The following MCC variants were observed in gnomAD, a reference collection of about 807,000 sequenced individuals.
The protein encoded by MCC is colorectal mutant cancer protein.
A neutral mutation model predicts 116.2 loss-of-function variants in MCC; 90 were observed. The observed-to-expected ratio is 0.77, with a 90% CI of 0.65 to 0.92. The LOEUF (loss-of-function observed/expected upper bound fraction) is 0.92, where lower values mean the gene tolerates loss of function less well. Among genes scored for constraint, MCC ranks in the 40% least tolerant of loss-of-function variants. The pLI is 0.00. For missense variants in MCC, 1,516 were observed against 1,312.2 expected, an observed-to-expected ratio of 1.16 and a Z score of -2.40; for synonymous variants, 578 against 510.5, an observed-to-expected ratio of 1.13 and a Z score of -1.78.
chr5:113,461,062 C>T (rs558678814), intron 1 of MCC, among the ~76,000 whole-genome samples: 1 of 152,056 alleles, frequency 6.6e-6, no homozygotes, highest in South Asian at 2.1e-4. Context: ...AGTTTGAGAC[C>T]AGCCTGGGCA....
At chr5:113,366,530 T>G (rs1449213471) in intron 2 of MCC, among the ~76,000 whole-genome samples, 3 of 152,204 alleles carry the variant, frequency 2.0e-5, no homozygotes, top group Admixed American at 1.3e-4. Context: ...CCAGAATATA[T>G]AGCCCTCTAG....
intron 9 of MCC, 71 bp downstream of exon 9, chr5:113,085,093 C>G: frequency 6.2e-7 from 1 of 1,606,198 alleles, no homozygotes. Context: ...TGTACAGTGG[C>G]TAGGATGAGC....
At chr5:113,371,786 T>C (rs1768842278) in intron 2 of MCC, among the ~76,000 whole-genome samples, 1 of 152,222 alleles carries the variant, frequency 6.6e-6, no homozygotes, top group African/African-American at 2.4e-5. Flanking sequence ...TGCATTAGTC[T>C]TACAAGAGAT....
At chr5:113,070,592 T>C (rs987000855) in intron 12 of MCC, among the ~76,000 whole-genome samples, 4 of 152,238 alleles carry the variant, frequency 2.6e-5, no homozygotes, top group African/African-American at 9.6e-5. Context: ...GAAGATCTTA[T>C]CTGCATTAAA....
At chr5:113,359,952 C>G (rs1185888987) in intron 2 of MCC, among the ~76,000 whole-genome samples, 2 of 152,134 alleles carry the variant, frequency 1.3e-5, no homozygotes, top group East Asian at 3.9e-4. Flanking sequence ...ATTTATCTTT[C>G]TCTTACAAGG....
intron 3 of MCC, among the ~76,000 whole-genome samples, chr5:113,184,477 T>C (rs946529225): frequency 3.9e-5 from 5 of 127,550 alleles, no homozygotes; most frequent in African/African-American, 1.5e-4. Flanking sequence ...TCTTCGTTTT[T>C]TGTTTTTTTT....
At chr5:113,042,072 C>T (rs28446371) in intron 17 of MCC, among the ~76,000 whole-genome samples, 7,168 of 151,864 alleles carry the variant, frequency 0.047, 565 homozygotes, top group African/African-American at 0.16. Flanking sequence ...AAACAAGAAC[C>T]GCTGAATATT....
At chr5:113,294,414 T>C in intron 3 of MCC, 1 of 1,613,268 alleles carries the variant, frequency 6.2e-7, no homozygotes. Flanking sequence ...GGGCTCTCAG[T>C]CCCCCAGGTC....
intron 14 of MCC, among the ~76,000 whole-genome samples, chr5:113,060,046 T>C (rs1753108931): frequency 6.6e-6 from 1 of 152,210 alleles, no homozygotes; most frequent in Admixed American, 6.5e-5. Flanking sequence ...GACATTTCAT[T>C]TCTTTTGCCT....
rs567448918 is a variant in MCC, at chr5:113,182,700, GT to G, written c.628-31279del. On this transcript the variant is annotated intron_variant, in intron 3 of 18. Coordinates refer to ENST00000408903, the MANE Select transcript of MCC (RefSeq NM_001085377.2). ...TCACATACAACATATGTCACAGTGA[GT>G]TTTGCATTTACATGCCAGTCTTCAT... Among the ~76,000 whole-genome samples, 268 of 152,350 alleles carry G rather than the reference GT, an allele frequency of 1.8e-3. 1 individual carries two copies. Among genetic ancestry groups the G allele is most frequent in the African/African-American group, 6.3e-3 (260 of 41,582 alleles).
At chr5:113,338,496 G>T (rs1045766373) in intron 3 of MCC, among the ~76,000 whole-genome samples, 6 of 152,184 alleles carry the variant, frequency 3.9e-5, no homozygotes, top group African/African-American at 1.4e-4. Flanking sequence ...TACAGAGATA[G>T]GAAACAGCCA....
At position 113,071,132 on chromosome 5, in the gene MCC, T is replaced by C; in HGVS notation, c.1887A>G (p.Glu629=). The C allele has an allele frequency of 6.2e-7, 1 of 1,614,122 alleles. No individual in the cohort carries two copies. Among genetic ancestry groups the C allele is most frequent in the Non-Finnish European group, 8.5e-7 (1 of 1,180,016 alleles). ...ERMSMLVGKY[E]SNATALRLAL... is the part of the protein sequence containing the mutation. ...CCAGCCTCAGCGCTGTGGCATTGGA[T>C]TCGTATTTTCCCACCAGCATGCTCA... is the stretch of plus-strand genomic sequence containing the variant. Residue 629 remains glutamate, a synonymous_variant, in exon 12 of 19, where the codon GAA becomes GAG. Coordinates refer to ENST00000408903, the MANE Select transcript of MCC (RefSeq NM_001085377.2).
chr5:113,172,074 A>T (rs1466438204), intron 3 of MCC, among the ~76,000 whole-genome samples: 1 of 152,214 alleles, frequency 6.6e-6, no homozygotes, highest in Non-Finnish European at 1.5e-5. Flanking sequence ...GAGAACAGGT[A>T]GGACCCTTTT....
At chr5:113,186,556 C>T (rs1761907532) in intron 3 of MCC, among the ~76,000 whole-genome samples, 1 of 152,158 alleles carries the variant, frequency 6.6e-6, no homozygotes, top group Non-Finnish European at 1.5e-5. Flanking sequence ...ACCTGCCCTG[C>T]CTGGCACTTG....
intron 11 of MCC, among the ~76,000 whole-genome samples, chr5:113,081,567 A>T (rs1447820604): frequency 6.6e-6 from 1 of 152,122 alleles, no homozygotes; most frequent in East Asian, 1.9e-4. Context: ...TAGAGAGGAG[A>T]TCCTCACTAA....
At chr5:113,328,389 A>C (rs1767618583) in intron 3 of MCC, among the ~76,000 whole-genome samples, 1 of 152,202 alleles carries the variant, frequency 6.6e-6, no homozygotes, top group South Asian at 2.1e-4. Context: ...TATTACCTAA[A>C]AGATACAAGT....
At chr5:113,035,110 G>A (rs1484649991) in intron 17 of MCC, among the ~76,000 whole-genome samples, 3 of 152,138 alleles carry the variant, frequency 2.0e-5, no homozygotes, top group South Asian at 2.1e-4. Context: ...ATGTCCAGAG[G>A]ATTACTTCCC....
At chr5:113,083,333 A>G (rs1374291823) in intron 10 of MCC, among the ~76,000 whole-genome samples, 1 of 152,008 alleles carries the variant, frequency 6.6e-6, no homozygotes, top group Non-Finnish European at 1.5e-5. Flanking sequence ...TCTTTCCCCT[A>G]TCCTGAATTC....
At chr5:113,444,414 T>C (rs889628015) in intron 1 of MCC, among the ~76,000 whole-genome samples, 2 of 152,190 alleles carry the variant, frequency 1.3e-5, no homozygotes, top group Admixed American at 6.5e-5. Context: ...TGGATCCTCC[T>C]TAGATGTCCT....
Sources: gnomAD v4.1 joint callset for allele counts (sites outside exome capture counted in the v4.1 genomes callset) on GRCh38, gnomAD v4.1.1 for gene constraint, MANE v1.5 for transcripts, NCBI Gene and HGNC (gene_info 2026-07-23, HGNC 2026-07-21) for gene names.